Variants in SHISA6 observed in about 807,000 individuals in gnomAD.
SHISA6 encodes shisa family member 6.
A neutral mutation model predicts 47.9 loss-of-function variants in SHISA6; 22 were observed. That is an observed-to-expected ratio of 0.46 (90% confidence interval 0.33 to 0.66). The LOEUF (loss-of-function observed/expected upper bound fraction) is 0.66. Among genes scored for constraint, SHISA6 ranks in the 30% least tolerant of loss-of-function variants. SHISA6 has a pLI of 0.02. For missense variants in SHISA6, 680 were observed against 764.6 expected, an observed-to-expected ratio of 0.89 and a Z score of 1.30; for synonymous variants, 388 against 337.8, an observed-to-expected ratio of 1.15 and a Z score of -1.63.
chr17:11,241,930 G>C lies in SHISA6; in HGVS notation c.508G>C (p.Glu170Gln). Residue 170 changes from glutamate to glutamine, a missense_variant, in exon 1 of 6, where the codon GAG (glutamate) becomes CAG (glutamine). This residue lies in a region of SHISA6 where 559 missense variants were observed against 674.1 expected (regional missense o/e 0.83). Transcript: ENST00000441885. The surrounding 1 kb of genome is among the most constrained non-coding windows in gnomAD (Gnocchi z 5.5). ...SPGPENKYDP[E>Q]KDKTNFTVYI... ...GGGGCCCGAGAACAAGTACGACCCG[G>C]AGAAGGACAAGACCAACTTCACCGT... 2 of 1,550,998 alleles carry C rather than the reference G, an allele frequency of 1.3e-6. No homozygotes were observed. The highest frequency in any genetic ancestry group is 1.7e-6 in the Non-Finnish European group (2 of 1,147,038).
At chr17:11,311,764 C>A (rs1198342589) in intron 2 of SHISA6, among the ~76,000 whole-genome samples, 2 of 151,248 alleles carry the variant, frequency 1.3e-5, no homozygotes, top group African/African-American at 2.4e-5. Flanking sequence ...ATTTAGATTT[C>A]TTTTCTTTTC....
chr17:11,462,709 C>T (rs982822410), intron 3 of SHISA6, among the ~76,000 whole-genome samples: 3 of 152,154 alleles, frequency 2.0e-5, no homozygotes, highest in Non-Finnish European at 4.4e-5. Flanking sequence ...CTCACTGCAC[C>T]CTCCACTTCC....
At chr17:11,388,278 C>T (rs1913258512) in intron 3 of SHISA6, among the ~76,000 whole-genome samples, 2 of 152,108 alleles carry the variant, frequency 1.3e-5, no homozygotes, top group Non-Finnish European at 2.9e-5. Flanking sequence ...GCTTTTTCAA[C>T]CCTGAGAGGG....
At chr17:11,285,785 G>A (rs1909273460) in intron 2 of SHISA6, among the ~76,000 whole-genome samples, 1 of 151,960 alleles carries the variant, frequency 6.6e-6, no homozygotes, top group Non-Finnish European at 1.5e-5. Flanking sequence ...ACAGTGGTTG[G>A]AATGAGAGGC....
chr17:11,404,687 T>A (rs1484935755), intron 3 of SHISA6, among the ~76,000 whole-genome samples: 1 of 152,158 alleles, frequency 6.6e-6, no homozygotes, highest in Non-Finnish European at 1.5e-5. Context: ...CACACAGTAA[T>A]GTACACTACA....
chr17:11,454,395 C>T (rs1234973248), intron 3 of SHISA6, among the ~76,000 whole-genome samples: 2 of 152,194 alleles, frequency 1.3e-5, no homozygotes, highest in African/African-American at 2.4e-5. Context: ...ACAGAGCGGG[C>T]AAAGTGATCC....
chr17:11,369,766 T>G (rs1186208261), intron 2 of SHISA6, among the ~76,000 whole-genome samples: 1 of 152,204 alleles, frequency 6.6e-6, no homozygotes, highest in Non-Finnish European at 1.5e-5. Context: ...TCTGGGATGC[T>G]GACCAGTCAG....
intron 3 of SHISA6, among the ~76,000 whole-genome samples, chr17:11,533,096 A>G (rs972892377): frequency 2.0e-5 from 3 of 152,168 alleles, no homozygotes; most frequent in East Asian, 1.9e-4. Flanking sequence ...ACCAGCAGGA[A>G]TGAGTCCTCT....
At chr17:11,392,386 C>T (rs1913415701) in intron 3 of SHISA6, among the ~76,000 whole-genome samples, 1 of 152,110 alleles carries the variant, frequency 6.6e-6, no homozygotes, top group Admixed American at 6.5e-5. Context: ...GGTGTTGGCT[C>T]TTGGGGGAGG....
intron 3 of SHISA6, among the ~76,000 whole-genome samples, chr17:11,529,540 A>G (rs188119178): frequency 6.6e-6 from 1 of 152,318 alleles, no homozygotes; most frequent in East Asian, 1.9e-4. Context: ...AAGAAAAACA[A>G]TATGTGTCCC....
intron 2 of SHISA6, among the ~76,000 whole-genome samples, chr17:11,350,389 C>A (rs374843961): frequency 1.0e-4 from 15 of 149,230 alleles, no homozygotes; most frequent in East Asian, 4.0e-4. Flanking sequence ...ACCGTGTTGG[C>A]AAGGATGGTC....
chr17:11,305,250 A>G (rs1910070058), intron 2 of SHISA6, among the ~76,000 whole-genome samples: 1 of 152,226 alleles, frequency 6.6e-6, no homozygotes, highest in Admixed American at 6.5e-5. Flanking sequence ...CACCTAGGAC[A>G]TTGTCAGCAT....
chr17:11,563,863 T>C lies in SHISA6; in HGVS notation c.*5559T>C, dbSNP rs1267418473. The C allele has an allele frequency of 6.6e-6, 1 of 152,238 alleles. No homozygotes were observed. Among genetic ancestry groups the C allele is most frequent in the Non-Finnish European group, 1.5e-5 (1 of 68,042 alleles). 9.4% of individuals were successfully genotyped at this position (152,238 alleles called of 1,614,324 possible). A position where few individuals can be genotyped will look rare whatever the true frequency, so the allele number is the denominator to read the frequency against. ...ATCTGTATCTTTGCAGTTTCTTCGT[T>C]ACTCATATGTAAGCCTCATGGTAAG... On this transcript the variant is annotated 3_prime_UTR_variant, in exon 6 of 6. Coordinates refer to ENST00000441885, the MANE Select transcript of SHISA6 (RefSeq NM_207386.4).
At chr17:11,420,550 C>T (rs1026846705) in intron 3 of SHISA6, among the ~76,000 whole-genome samples, 1 of 152,192 alleles carries the variant, frequency 6.6e-6, no homozygotes, top group Non-Finnish European at 1.5e-5. Flanking sequence ...ACATAGGTCA[C>T]AGCCTCCGCA....
chr17:11,502,358 G>C (rs1222017333), intron 3 of SHISA6, among the ~76,000 whole-genome samples: 2 of 138,648 alleles, frequency 1.4e-5, no homozygotes, highest in African/African-American at 5.4e-5. Context: ...GCAGTGAGCT[G>C]AGATCGCGCC....
At chr17:11,528,540 G>A (rs1047338215) in intron 3 of SHISA6, among the ~76,000 whole-genome samples, 4 of 152,196 alleles carry the variant, frequency 2.6e-5, no homozygotes, top group African/African-American at 9.6e-5. Context: ...AAACAGTGGT[G>A]CCAAACAGAT....
intron 5 of SHISA6, 22 bp downstream of exon 5, chr17:11,555,914 T>C (rs1444805634): frequency 1.3e-6 from 2 of 1,507,058 alleles, no homozygotes; most frequent in Non-Finnish European, 1.8e-6. Context: ...TTCCCCCAAG[T>C]TGGGGTCTGT....
intron 2 of SHISA6, among the ~76,000 whole-genome samples, chr17:11,363,298 C>T (rs1186033828): frequency 6.6e-6 from 1 of 151,426 alleles, no homozygotes; most frequent in Non-Finnish European, 1.5e-5. Context: ...AATAGTCTTG[C>T]TTGCAGAAGA....
intron 3 of SHISA6, among the ~76,000 whole-genome samples, chr17:11,521,965 T>TTTA (rs1204190731): frequency 6.6e-6 from 1 of 151,324 alleles, no homozygotes; most frequent in African/African-American, 2.4e-5. Context: ...TTTTTATTTA[T>TTTA]TTATTATTAT....
Sources: gnomAD v4.1 joint callset for allele counts (sites outside exome capture counted in the v4.1 genomes callset) on GRCh38, gnomAD v4.1.1 for gene constraint, gnomAD v4.1.1 regional missense constraint, Gnocchi (gnomAD v3.1) non-coding constraint, MANE v1.5 for transcripts, NCBI Gene and HGNC (gene_info 2026-07-23, HGNC 2026-07-21) for gene names.